AGMO: variants seen among roughly 807,000 people sequenced by gnomAD.
AGMO encodes alkylglycerol monooxygenase.
Under a neutral mutation model 60.2 loss-of-function variants are expected in AGMO, and 75 were observed. The ratio of observed to expected loss-of-function variants is 1.25; its 90% CI spans 1.03 to 1.51. AGMO has a LOEUF of 1.51. AGMO is among the 40% of genes most tolerant of loss of function. AGMO has a pLI of 0.00. For synonymous variants in AGMO, 261 were observed against 177.1 expected, an observed-to-expected ratio of 1.47 and a Z score of -3.76; for missense variants, 763 against 525.5, an observed-to-expected ratio of 1.45 and a Z score of -4.42.
chr7:15,390,536 G>A (rs1169870070), intron 8 of AGMO, 135 bp downstream of exon 8: 4 of 536,068 alleles, frequency 7.5e-6, no homozygotes, highest in Non-Finnish European at 1.3e-5. Context: ...AGAGTTATTT[G>A]TAAATTTTTT....
At chr7:15,291,478 A>G (rs902337600) in intron 12 of AGMO, among the ~76,000 whole-genome samples, 1 of 152,166 alleles carries the variant, frequency 6.6e-6, no homozygotes, top group South Asian at 2.1e-4. Context: ...GAAATTTTTT[A>G]AATTTGGAAA....
intron 3 of AGMO, among the ~76,000 whole-genome samples, chr7:15,499,878 T>G (rs1164433975): frequency 1.3e-5 from 2 of 148,732 alleles, no homozygotes; most frequent in Non-Finnish European, 3.0e-5. Context: ...TGCAATTGTG[T>G]GAAGGAATGG....
At chr7:15,330,220 T>C (rs1438209246) in intron 12 of AGMO, among the ~76,000 whole-genome samples, 2 of 152,172 alleles carry the variant, frequency 1.3e-5, no homozygotes, top group African/African-American at 4.8e-5. Flanking sequence ...TCTGCCAACC[T>C]ACTAGTAGTA....
At chr7:15,344,561 C>T (rs1583432543) in intron 12 of AGMO, among the ~76,000 whole-genome samples, 1 of 151,770 alleles carries the variant, frequency 6.6e-6, no homozygotes, top group African/African-American at 2.4e-5. Context: ...AGCCAGGCAT[C>T]CTGGTGCACG....
chr7:15,541,577 A>G (rs538972791), intron 3 of AGMO, among the ~76,000 whole-genome samples: 1 of 152,208 alleles, frequency 6.6e-6, no homozygotes, highest in Non-Finnish European at 1.5e-5. Context: ...CATAATTAGC[A>G]ATTTCTTTTT....
intron 12 of AGMO, among the ~76,000 whole-genome samples, chr7:15,216,529 C>T (rs73054562): frequency 0.11 from 16,878 of 151,886 alleles, 1,035 homozygotes; most frequent in African/African-American, 0.14. Context: ...AATCTTTCTA[C>T]TGGAATTCTA....
Position 15,404,506 on chromosome 7 carries a change from C to T in AGMO, c.610-10327G>A, listed in dbSNP as rs1276783852. On this transcript the variant is annotated intron_variant, in intron 5 of 12. Coordinates refer to ENST00000342526, the MANE Select transcript of AGMO (RefSeq NM_001004320.2). ...AGATTTACAGAAGAAAAACTGGAAA[C>T]ATTTATAGGTTTAACCATCTCAAAC... Among the ~76,000 whole-genome samples the T allele has an allele frequency of 2.6e-5, 4 of 151,822 alleles. No individual in the cohort carries two copies. The East Asian group carries it at 5.8e-4, about 22-fold the overall frequency.
chr7:15,503,941 T>G (rs1783448679), intron 3 of AGMO, among the ~76,000 whole-genome samples: 2 of 152,020 alleles, frequency 1.3e-5, no homozygotes, highest in Admixed American at 6.6e-5. Context: ...CTTTTATTTT[T>G]CAGGTTACAA....
At chr7:15,345,140 C>T (rs1781986346) in intron 12 of AGMO, among the ~76,000 whole-genome samples, 2 of 152,154 alleles carry the variant, frequency 1.3e-5, no homozygotes, top group Admixed American at 1.3e-4. Context: ...GGTTTCTATG[C>T]TTAAAATTCT....
chr7:15,366,929 T>C (rs1177206449), intron 10 of AGMO, among the ~76,000 whole-genome samples: 9 of 152,060 alleles, frequency 5.9e-5, no homozygotes, highest in Non-Finnish European at 1.3e-4. Context: ...TCCATTGAGA[T>C]TATTAGATTT....
intron 12 of AGMO, among the ~76,000 whole-genome samples, chr7:15,284,667 TGCTGGAACTAGTCCAAAAG>T (rs1784053698): frequency 6.6e-6 from 1 of 152,044 alleles, no homozygotes; most frequent in Non-Finnish European, 1.5e-5. Flanking sequence ...GGACCAACCC[TGCTGGAACTAGTCCAAAAG>T]ATTCAGAAGG....
At chr7:15,351,398 A>G (rs1782238790) in intron 12 of AGMO, among the ~76,000 whole-genome samples, 1 of 152,168 alleles carries the variant, frequency 6.6e-6, no homozygotes, top group Admixed American at 6.5e-5. Flanking sequence ...TCAGGAAGCT[A>G]AACCCCTATA....
At chr7:15,272,316 T>G (rs895124988) in intron 12 of AGMO, among the ~76,000 whole-genome samples, 1 of 118,144 alleles carries the variant, frequency 8.5e-6, no homozygotes, top group East Asian at 2.7e-4. Flanking sequence ...TGTGTGACAC[T>G]CCCCTTCCCG....
intron 5 of AGMO, among the ~76,000 whole-genome samples, chr7:15,394,401 T>C (rs947583656): frequency 1.3e-5 from 2 of 152,124 alleles, no homozygotes; most frequent in African/African-American, 4.8e-5. Flanking sequence ...TATGGTGTCG[T>C]GGTTAAGAGC....
the AGMO span, among the ~76,000 whole-genome samples, chr7:15,119,269 T>C: frequency 2.6e-5 from 4 of 152,066 alleles, no homozygotes; most frequent in South Asian, 4.2e-4. Flanking sequence ...TCTGCCATGA[T>C]TGAAAGCTTC....
chr7:15,247,451 CACACACACAGAG>C (rs1563053314), intron 12 of AGMO, among the ~76,000 whole-genome samples: 1 of 119,620 alleles, frequency 8.4e-6, no homozygotes, highest in South Asian at 2.6e-4. Context: ...CACACACACA[CACACACACAGAG>C]AGAGAGAGAG....
chr7:15,323,756 C>T (rs1342196097), intron 12 of AGMO, among the ~76,000 whole-genome samples: 1 of 152,152 alleles, frequency 6.6e-6, no homozygotes, highest in Non-Finnish European at 1.5e-5. Context: ...CAGCTGTTAA[C>T]AAGGAAAGCC....
At chr7:15,315,589 G>A (rs1193832238) in intron 12 of AGMO, among the ~76,000 whole-genome samples, 2 of 151,822 alleles carry the variant, frequency 1.3e-5, no homozygotes, top group Non-Finnish European at 2.9e-5. Context: ...GCCCACCTAG[G>A]CCTCCCACAG....
At chr7:15,461,631 C>T (rs1034828778) in intron 3 of AGMO, among the ~76,000 whole-genome samples, 1 of 152,054 alleles carries the variant, frequency 6.6e-6, no homozygotes, top group East Asian at 1.9e-4. Context: ...GCTGGTCTCT[C>T]TAGAATGAGC....
Sources: gnomAD v4.1 joint callset for allele counts (sites outside exome capture counted in the v4.1 genomes callset) on GRCh38, gnomAD v4.1.1 for gene constraint, MANE v1.5 for transcripts, NCBI Gene and HGNC (gene_info 2026-07-23, HGNC 2026-07-21) for gene names.